The following TRAPPC9 variants were observed in gnomAD, a reference collection of about 807,000 sequenced individuals.
TRAPPC9 encodes the protein IKK2 binding protein.
TRAPPC9 carries 83 observed loss-of-function variants against 124.0 expected under a neutral mutation model. That is an observed-to-expected ratio of 0.67 (90% CI 0.56 to 0.80). TRAPPC9 has a LOEUF of 0.80. Among genes scored for constraint, TRAPPC9 ranks in the 30% least tolerant of loss-of-function variants. The pLI is 0.00. For synonymous variants in TRAPPC9, 638 were observed against 617.5 expected (o/e 1.03, Z -0.49); for missense variants, 1,302 against 1,508.3 (o/e 0.86, Z 2.27).
intron 17 of TRAPPC9, among the ~76,000 whole-genome samples, chr8:140,220,889 T>C (rs1372602191): frequency 6.6e-6 from 1 of 152,194 alleles, no homozygotes; most frequent in African/African-American, 2.4e-5. Flanking sequence ...ACGCTGTCCC[T>C]GGGCCAGCTC....
At chr8:140,229,669 T>C (rs1468744294) in intron 16 of TRAPPC9, among the ~76,000 whole-genome samples, 1 of 152,068 alleles carries the variant, frequency 6.6e-6, no homozygotes, top group Non-Finnish European at 1.5e-5. Context: ...CCCAGGTTCA[T>C]GCCTTGGCCT....
At chr8:140,427,070 C>T (rs1436527855) in intron 4 of TRAPPC9, among the ~76,000 whole-genome samples, 1 of 150,696 alleles carries the variant, frequency 6.6e-6, no homozygotes, top group Non-Finnish European at 1.5e-5. Context: ...GGACTACAGG[C>T]GTGCGCCACC....
intron 9 of TRAPPC9, among the ~76,000 whole-genome samples, chr8:140,321,985 T>C (rs2066607915): frequency 6.6e-6 from 1 of 152,108 alleles, no homozygotes; most frequent in South Asian, 2.1e-4. Flanking sequence ...TCCAAGACCA[T>C]GGCTGCCAAA....
intron 1 of TRAPPC9, among the ~76,000 whole-genome samples, chr8:140,452,283 G>A (rs1188556755): frequency 2.0e-5 from 3 of 151,580 alleles, no homozygotes; most frequent in Non-Finnish European, 2.9e-5. Flanking sequence ...AGCCCGGCGT[G>A]GTGGCAGGCA....
intron 17 of TRAPPC9, among the ~76,000 whole-genome samples, chr8:140,084,858 G>C (rs894977140): frequency 6.6e-6 from 1 of 152,220 alleles, no homozygotes; most frequent in South Asian, 2.1e-4. Context: ...CTCTTGCCTG[G>C]TATCTTCTAT....
At chr8:140,426,472 C>T (rs2070427220) in intron 5 of TRAPPC9, 143 bp downstream of exon 5, 5 of 901,814 alleles carry the variant, frequency 5.5e-6, no homozygotes, top group African/African-American at 1.7e-5. Context: ...AATCATCAAG[C>T]TTTTAACAGT....
intron 9 of TRAPPC9, among the ~76,000 whole-genome samples, chr8:140,351,511 G>A (rs1441900913): frequency 6.6e-6 from 1 of 152,102 alleles, no homozygotes; most frequent in Admixed American, 6.5e-5. Context: ...GCTCATGCCT[G>A]TAATTCCAAC....
At chr8:139,879,234 A>C (rs1423955072) in intron 21 of TRAPPC9, among the ~76,000 whole-genome samples, 1 of 152,164 alleles carries the variant, frequency 6.6e-6, no homozygotes, top group Non-Finnish European at 1.5e-5. Context: ...GGGCGCAGGG[A>C]ACACGGCAGC....
At chr8:139,982,661 A>G (rs1836990229) in intron 19 of TRAPPC9, among the ~76,000 whole-genome samples, 1 of 152,150 alleles carries the variant, frequency 6.6e-6, no homozygotes, top group East Asian at 1.9e-4. Flanking sequence ...TGCCACAGAA[A>G]CTCACAAGCT....
intron 16 of TRAPPC9, among the ~76,000 whole-genome samples, chr8:140,234,774 A>G (rs1313271244): frequency 6.6e-6 from 1 of 152,226 alleles, no homozygotes; most frequent in African/African-American, 2.4e-5. Context: ...AGTACTTAAT[A>G]TGTGCCACAC....
chr8:140,272,740 G>C (rs1395758194), intron 15 of TRAPPC9, among the ~76,000 whole-genome samples: 1 of 151,970 alleles, frequency 6.6e-6, no homozygotes, highest in Non-Finnish European at 1.5e-5. Flanking sequence ...GGGGAGAGGG[G>C]AGGAGGCACC....
At chr8:140,180,256 T>C (rs1417063024) in intron 17 of TRAPPC9, among the ~76,000 whole-genome samples, 3 of 151,996 alleles carry the variant, frequency 2.0e-5, no homozygotes, top group Non-Finnish European at 4.4e-5. Flanking sequence ...GTCATTTCAA[T>C]GTGCATCTTA....
intron 17 of TRAPPC9, among the ~76,000 whole-genome samples, chr8:140,122,627 T>C (rs930147272): frequency 2.0e-5 from 3 of 152,256 alleles, no homozygotes; most frequent in African/African-American, 7.2e-5. Flanking sequence ...AATTAAATTT[T>C]TTTAAGTGTA....
intron 17 of TRAPPC9, among the ~76,000 whole-genome samples, chr8:140,144,386 TAA>T (rs2061425652): frequency 6.6e-6 from 1 of 152,240 alleles, no homozygotes; most frequent in East Asian, 1.9e-4. Context: ...ATATTCTTCA[TAA>T]AGTCTTGTAC....
intron 17 of TRAPPC9, among the ~76,000 whole-genome samples, chr8:140,118,553 G>A (rs565868606): frequency 2.4e-4 from 36 of 152,328 alleles, no homozygotes; most frequent in African/African-American, 8.7e-4. Flanking sequence ...GTCACTAAGG[G>A]GCTCAGGGCC....
intron 18 of TRAPPC9, among the ~76,000 whole-genome samples, chr8:140,001,221 A>G (rs1004660186): frequency 6.6e-6 from 1 of 152,064 alleles, no homozygotes; most frequent in Admixed American, 6.6e-5. Flanking sequence ...ATCACACACC[A>G]GGGCCTGTCA....
At chr8:140,128,979 A>C (rs2061149479) in intron 17 of TRAPPC9, among the ~76,000 whole-genome samples, 1 of 127,760 alleles carries the variant, frequency 7.8e-6, no homozygotes, top group African/African-American at 2.9e-5. Flanking sequence ...TAAAATATAT[A>C]TATATATACA....
chr8:139,950,610 G>A (rs1834574921), intron 19 of TRAPPC9, among the ~76,000 whole-genome samples: 1 of 152,226 alleles, frequency 6.6e-6, no homozygotes, highest in Admixed American at 6.5e-5. Context: ...GGCTGCACCA[G>A]CCAAGGGCCT....
intron 17 of TRAPPC9, among the ~76,000 whole-genome samples, chr8:140,051,585 T>TG (rs1435747725): frequency 4.7e-5 from 7 of 150,268 alleles, no homozygotes; most frequent in African/African-American, 1.7e-4. Context: ...TCTTTTTTTT[T>TG]TTTTTTTTTT....
Sources: allele counts gnomAD v4.1 joint callset (sites outside exome capture counted in the v4.1 genomes callset), GRCh38; gene constraint gnomAD v4.1.1; transcripts MANE v1.5; gene names NCBI Gene and HGNC (gene_info 2026-07-23, HGNC 2026-07-21).